The following ARHGAP44 variants were observed in gnomAD, a reference collection of about 807,000 sequenced individuals.
The protein encoded by ARHGAP44 is Rho GTPase activating protein 44.
In ARHGAP44, 43 loss-of-function variants were observed where a neutral mutation model predicts 106.8. The ratio of observed to expected loss-of-function variants is 0.40; its 90% CI spans 0.32 to 0.52. The LOEUF (loss-of-function observed/expected upper bound fraction) is 0.52, where lower values mean the gene tolerates loss of function less well. ARHGAP44 is among the 20% of genes least tolerant of loss of function. The pLI is 0.48. For missense variants in ARHGAP44, 866 were observed against 1,050.5 expected (o/e 0.82, Z 2.43); for synonymous variants, 439 against 410.3 (o/e 1.07, Z -0.85).
intron 20 of ARHGAP44, among the ~76,000 whole-genome samples, chr17:12,989,428 C>A (rs1017304711): frequency 6.6e-6 from 1 of 152,118 alleles, no homozygotes; most frequent in Non-Finnish European, 1.5e-5. Context: ...GGAAAAATGA[C>A]CTTTTAATGC....
rs138847101 is a variant in ARHGAP44, at chr17:12,915,820, C to G, written c.276-80C>G. On this transcript the variant is annotated intron_variant, in intron 4 of 20. Coordinates refer to ENST00000379672, the MANE Select transcript of ARHGAP44 (RefSeq NM_014859.6). Reference sequence around the variant, plus strand: ...TGACTTGTGAAAGTTTACAAGTGAGCCAGGAGGTGAGGGGAGGGTAACGCC... The same window carrying G: ...TGACTTGTGAAAGTTTACAAGTGAGGCAGGAGGTGAGGGGAGGGTAACGCC... 2.4e-4 allele frequency: 292 copies of G among 1,233,774 alleles called. 1 individual carries two copies. The East Asian group carries it at 6.4e-3, about 27-fold the overall frequency. The allele number at this position is 1,233,774 out of a possible 1,614,324, so 76.4% of individuals were successfully genotyped here. A position where few individuals can be genotyped will look rare whatever the true frequency, so the allele number is the denominator to read the frequency against.
intron 10 of ARHGAP44, among the ~76,000 whole-genome samples, chr17:12,947,812 G>A (rs780649904): frequency 7.2e-5 from 11 of 152,282 alleles, no homozygotes; most frequent in East Asian, 1.9e-4. Flanking sequence ...TGTCTTTGTC[G>A]TAGCAGCCTT....
In ARHGAP44 at chr17:12,892,689, A is replaced by G. The variant is rs79830916; in HGVS notation, c.54-2251A>G. Among the ~76,000 whole-genome samples, 907 of 149,940 alleles carry G rather than the reference A, an allele frequency of 6.0e-3. 4 individuals are homozygous for G. The highest frequency in any genetic ancestry group is 0.02 in the African/African-American group (823 of 40,798). Reference sequence around the variant, plus strand: ...TTTTGTTTGTTGATTTGTTTGGTCTATTTTTGCCCTGTTGTTCAGATTGGA... The same window carrying G: ...TTTTGTTTGTTGATTTGTTTGGTCTGTTTTTGCCCTGTTGTTCAGATTGGA... On this transcript the variant is annotated intron_variant, in intron 1 of 20. Transcript: ENST00000379672.
chr17:12,849,536 C>A (rs1473435775), intron 1 of ARHGAP44, among the ~76,000 whole-genome samples: 1 of 148,780 alleles, frequency 6.7e-6, no homozygotes, highest in African/African-American at 2.5e-5. Flanking sequence ...GACATTAGTG[C>A]AGCAACCTAG....
chr17:12,856,880 C>T (rs1257162006), intron 1 of ARHGAP44, among the ~76,000 whole-genome samples: 1 of 152,164 alleles, frequency 6.6e-6, no homozygotes, highest in Non-Finnish European at 1.5e-5. Context: ...CATGATAATG[C>T]ATTCTTGTTG....
At position 12,863,443 on chromosome 17, in the gene ARHGAP44, C is replaced by G. The variant is rs145766300; in HGVS notation, c.54-31497C>G. ...TAACTCAAGATATTTGAGTCTCAAT[C>G]TGAGAACTGACATAATATTTAGCAT... On this transcript the variant is annotated intron_variant, in intron 1 of 20. Transcript: ENST00000379672. Among the ~76,000 whole-genome samples, 793 of 152,294 alleles carry G rather than the reference C, an allele frequency of 5.2e-3. 9 individuals are homozygous for G. The highest frequency in any genetic ancestry group is 0.018 in the African/African-American group (740 of 41,564).
chr17:12,963,056 A>G (rs1423781572), intron 16 of ARHGAP44, among the ~76,000 whole-genome samples: 4 of 151,406 alleles, frequency 2.6e-5, no homozygotes, highest in Non-Finnish European at 5.9e-5. Flanking sequence ...CAAAAAAAAA[A>G]AAAAAAAAAA....
intron 12 of ARHGAP44, among the ~76,000 whole-genome samples, chr17:12,951,669 C>G (rs2038994440): frequency 6.6e-6 from 1 of 152,202 alleles, no homozygotes; most frequent in South Asian, 2.1e-4. Context: ...GTCTTTGAAC[C>G]AGGGAAAAAC....
chr17:12,914,103 C>T (rs969407445), intron 4 of ARHGAP44, among the ~76,000 whole-genome samples: 3 of 151,406 alleles, frequency 2.0e-5, no homozygotes, highest in African/African-American at 7.3e-5. Context: ...GAAGTTCCTA[C>T]AAATAAATTC....
intron 1 of ARHGAP44, among the ~76,000 whole-genome samples, chr17:12,796,136 A>ATATC (rs67730348): frequency 3.0e-4 from 45 of 150,324 alleles, no homozygotes; most frequent in African/African-American, 8.8e-4. Context: ...TTTGAGAAGT[A>ATATC]TATCTATCTA....
chr17:12,865,139 C>A (rs945433552), intron 1 of ARHGAP44, among the ~76,000 whole-genome samples: 11 of 152,080 alleles, frequency 7.2e-5, no homozygotes, highest in African/African-American at 2.7e-4. Flanking sequence ...CTGGTGAAAT[C>A]CTAGAATTTT....
At chr17:12,940,739 T>G (rs1320912994) in intron 7 of ARHGAP44, among the ~76,000 whole-genome samples, 1 of 152,190 alleles carries the variant, frequency 6.6e-6, no homozygotes, top group Non-Finnish European at 1.5e-5. Context: ...TGCTTCAGAA[T>G]AGGGGCACAA....
At chr17:12,905,406 G>A (rs1439434064) in intron 3 of ARHGAP44, among the ~76,000 whole-genome samples, 1 of 152,160 alleles carries the variant, frequency 6.6e-6, no homozygotes, top group African/African-American at 2.4e-5. Flanking sequence ...GGAGCAGGGT[G>A]CCTCCAGCCC....
At chr17:12,903,192 G>A (rs1261815440) in intron 3 of ARHGAP44, among the ~76,000 whole-genome samples, 1 of 112,452 alleles carries the variant, frequency 8.9e-6, no homozygotes, top group Non-Finnish European at 2.0e-5. Context: ...TGTGTTTGGA[G>A]GAATGGAGTG....
chr17:12,861,019 G>A (rs2036056433), intron 1 of ARHGAP44, among the ~76,000 whole-genome samples: 2 of 151,980 alleles, frequency 1.3e-5, no homozygotes, highest in Non-Finnish European at 2.9e-5. Context: ...ACCATGCCCA[G>A]CTAACTTTTG....
intron 1 of ARHGAP44, among the ~76,000 whole-genome samples, chr17:12,811,680 A>G (rs911173123): frequency 6.6e-6 from 1 of 152,134 alleles, no homozygotes; most frequent in Non-Finnish European, 1.5e-5. Flanking sequence ...AATTAGTGTC[A>G]GCATTGAGTT....
chr17:12,974,709 T>A (rs1231937627), intron 18 of ARHGAP44, among the ~76,000 whole-genome samples: 1 of 152,100 alleles, frequency 6.6e-6, no homozygotes, highest in East Asian at 1.9e-4. Flanking sequence ...ATATATACTG[T>A]TATTTTTTCT....
rs75041184 is a variant in ARHGAP44, at chr17:12,912,540, G to A, written c.276-3360G>A. On this transcript the variant is annotated intron_variant, in intron 4 of 20. Transcript: ENST00000379672. ...AATAAATAATCCAACAGCATATTCC[G>A]GATCTTGAGGACATGAGTTTCTATA... Among the ~76,000 whole-genome samples the A allele has an allele frequency of 2.7e-3, 407 of 152,236 alleles. 10 individuals are homozygous for A. In the East Asian group the frequency reaches 0.044, roughly 17 times the overall value.
chr17:12,813,535 A>G (rs2034500777), intron 1 of ARHGAP44, among the ~76,000 whole-genome samples: 1 of 152,208 alleles, frequency 6.6e-6, no homozygotes, highest in African/African-American at 2.4e-5. Flanking sequence ...ACAAATACAT[A>G]CATTTCTATC....
Sources: allele counts gnomAD v4.1 joint callset (sites outside exome capture counted in the v4.1 genomes callset), GRCh38; gene constraint gnomAD v4.1.1; transcripts MANE v1.5; gene names NCBI Gene and HGNC (gene_info 2026-07-23, HGNC 2026-07-21).